CCDC85A: variants seen among roughly 807,000 people sequenced by gnomAD.
CCDC85A encodes the protein coiled-coil domain containing 85A, also known as coiled-coil domain-containing protein 85A.
CCDC85A carries 38 observed loss-of-function variants against 50.2 expected under a neutral mutation model. The ratio of observed to expected loss-of-function variants is 0.76; its 90% CI spans 0.58 to 0.99. CCDC85A has a LOEUF of 0.99. CCDC85A is among the 50% of genes least tolerant of loss of function. The pLI is 0.00. For synonymous variants in CCDC85A, 366 were observed against 301.4 expected, an observed-to-expected ratio of 1.21 and a Z score of -2.22; for missense variants, 820 against 742.0, an observed-to-expected ratio of 1.11 and a Z score of -1.22.
chr2:56,252,521 G>A (rs1669808232), intron 2 of CCDC85A, among the ~76,000 whole-genome samples: 1 of 152,082 alleles, frequency 6.6e-6, no homozygotes, highest in Admixed American at 6.5e-5. Flanking sequence ...ATTGCACTAT[G>A]ATCAGGCTGC....
At chr2:56,378,286 T>G (rs1051729207) in intron 5 of CCDC85A, among the ~76,000 whole-genome samples, 21 of 144,100 alleles carry the variant, frequency 1.5e-4, no homozygotes, top group African/African-American at 5.5e-4. Flanking sequence ...CTAGGCTTTA[T>G]AAAATCTGTG....
rs181796491 is a variant in CCDC85A at position 56,278,848 on chromosome 2, C to T, written c.1241-64031C>T. Among the ~76,000 whole-genome samples the T allele has an allele frequency of 6.6e-5, 10 of 152,344 alleles. No homozygotes were observed. The East Asian group carries it at 1.9e-3, about 29-fold the overall frequency. The stretch of plus-strand genomic sequence containing the variant: ...TCGGCCTTCCAAAGTGCTGGGATTA[C>T]AGGCATGAGCCTCCGCGCCAGACAC... On this transcript the variant is annotated intron_variant, in intron 2 of 5. Coordinates refer to ENST00000407595, the MANE Select transcript of CCDC85A (RefSeq NM_001080433.2).
intron 2 of CCDC85A, among the ~76,000 whole-genome samples, chr2:56,294,644 A>T (rs1274164845): frequency 2.0e-5 from 3 of 152,204 alleles, no homozygotes; most frequent in Non-Finnish European, 4.4e-5. Flanking sequence ...CATTTCCTCT[A>T]TGATTATGTA....
At chr2:56,323,553 G>A (rs1236187251) in intron 2 of CCDC85A, among the ~76,000 whole-genome samples, 2 of 151,958 alleles carry the variant, frequency 1.3e-5, no homozygotes, top group Non-Finnish European at 1.5e-5. Context: ...CCTTGTTGAT[G>A]CTCCTTCCTG....
chr2:56,273,098 T>C (rs1670767560), intron 2 of CCDC85A, among the ~76,000 whole-genome samples: 1 of 152,060 alleles, frequency 6.6e-6, no homozygotes, highest in Admixed American at 6.6e-5. Context: ...AATAAAACAG[T>C]ATATAGCCAA....
At chr2:56,336,622 A>G (rs970231193) in intron 2 of CCDC85A, among the ~76,000 whole-genome samples, 1 of 152,356 alleles carries the variant, frequency 6.6e-6, no homozygotes, top group Non-Finnish European at 1.5e-5. Flanking sequence ...TAAACCTTTT[A>G]TATACAATCA....
At chr2:56,341,209 A>T (rs1279567541) in intron 2 of CCDC85A, among the ~76,000 whole-genome samples, 1 of 152,046 alleles carries the variant, frequency 6.6e-6, no homozygotes, top group East Asian at 1.9e-4. Context: ...TACCAATTAA[A>T]CTGCTATTTT....
chr2:56,310,747 A>G (rs1191959193), intron 2 of CCDC85A, among the ~76,000 whole-genome samples: 3 of 152,332 alleles, frequency 2.0e-5, no homozygotes, highest in Non-Finnish European at 4.4e-5. Flanking sequence ...AAAAGCACCC[A>G]GAATTTTTCC....
intron 2 of CCDC85A, among the ~76,000 whole-genome samples, chr2:56,327,464 T>A (rs1673533770): frequency 6.6e-6 from 1 of 152,126 alleles, no homozygotes; most frequent in Non-Finnish European, 1.5e-5. Context: ...ATAAAATAAC[T>A]TCTTCTTTCC....
At chr2:56,344,367 C>A (rs1307032265) in intron 3 of CCDC85A, among the ~76,000 whole-genome samples, 1 of 152,156 alleles carries the variant, frequency 6.6e-6, no homozygotes, top group East Asian at 1.9e-4. Context: ...GTGTAGACAG[C>A]ATGGATTCAT....
At chr2:56,213,451 G>T (rs1158682940) in intron 2 of CCDC85A, among the ~76,000 whole-genome samples, 1 of 151,944 alleles carries the variant, frequency 6.6e-6, no homozygotes, top group African/African-American at 2.4e-5. Flanking sequence ...CTTGTTTTAC[G>T]AAGAGTTCAG....
intron 5 of CCDC85A, chr2:56,379,747 C>T (rs1261821473): frequency 1.0e-6 from 1 of 972,436 alleles, no homozygotes; most frequent in Non-Finnish European, 1.2e-6. Context: ...TCAACAAATC[C>T]AGGTCTTGGA....
intron 2 of CCDC85A, among the ~76,000 whole-genome samples, chr2:56,305,588 A>G (rs80329529): frequency 0.025 from 3,836 of 152,344 alleles, 178 homozygotes; most frequent in African/African-American, 0.088. Context: ...AATGTTTTCA[A>G]GAGATTCTAT....
At chr2:56,251,145 A>G (rs1669736382) in intron 2 of CCDC85A, among the ~76,000 whole-genome samples, 1 of 152,120 alleles carries the variant, frequency 6.6e-6, no homozygotes, top group Non-Finnish European at 1.5e-5. Context: ...TACTGCAACA[A>G]TGTGTTGGTG....
At chr2:56,375,056 A>G (rs1360267346) in intron 4 of CCDC85A, among the ~76,000 whole-genome samples, 2 of 152,220 alleles carry the variant, frequency 1.3e-5, no homozygotes, top group African/African-American at 2.4e-5. Flanking sequence ...AGGAGAGTAG[A>G]TAACTGATAC....
chr2:56,383,308 G>A lies in CCDC85A; in HGVS notation c.1573-958G>A, dbSNP rs754419143. On this transcript the variant is annotated intron_variant, in intron 5 of 5. Coordinates refer to ENST00000407595, the MANE Select transcript of CCDC85A (RefSeq NM_001080433.2). ...AAACTAGTTTTGTGTTCACGTCAGA[G>A]TGTTGTAAAGTTTTGCACAATCAAT... Among the ~76,000 whole-genome samples, 9 of 151,960 alleles carry A rather than the reference G, an allele frequency of 5.9e-5. 1 individual carries two copies. The highest frequency in any genetic ancestry group is 1.3e-4 in the Non-Finnish European group (9 of 67,916).
intron 2 of CCDC85A, among the ~76,000 whole-genome samples, chr2:56,206,084 G>C (rs7584994): frequency 0.014 from 2,163 of 152,232 alleles, 59 homozygotes; most frequent in African/African-American, 0.049. Flanking sequence ...GAGGAGATGA[G>C]TAGGTCTATG....
At chr2:56,287,978 G>A (rs1383199436) in intron 2 of CCDC85A, among the ~76,000 whole-genome samples, 1 of 151,998 alleles carries the variant, frequency 6.6e-6, no homozygotes, top group Non-Finnish European at 1.5e-5. Context: ...TCATAGCAGA[G>A]GCCCTCTGGG....
chr2:56,207,124 T>G (rs1676993383), intron 2 of CCDC85A, among the ~76,000 whole-genome samples: 2 of 152,216 alleles, frequency 1.3e-5, no homozygotes, highest in Admixed American at 6.5e-5. Flanking sequence ...GCAGTAAAAT[T>G]AATTTAGCTT....
Sources: allele counts gnomAD v4.1 joint callset (sites outside exome capture counted in the v4.1 genomes callset), GRCh38; gene constraint gnomAD v4.1.1; transcripts MANE v1.5; gene names NCBI Gene and HGNC (gene_info 2026-07-23, HGNC 2026-07-21).